SNTG1: variants seen among roughly 807,000 people sequenced by gnomAD.
SNTG1 encodes syntrophin gamma 1.
Under a neutral mutation model 74.7 loss-of-function variants are expected in SNTG1, and 39 were observed. The observed-to-expected ratio is 0.52, with a 90% CI of 0.40 to 0.68. The LOEUF (loss-of-function observed/expected upper bound fraction) is 0.68. Ranked by LOEUF, SNTG1 falls within the 30% of genes least tolerant of loss-of-function variation. The pLI is 0.00. For missense variants in SNTG1, 685 were observed against 609.5 expected (o/e 1.12, Z -1.30); for synonymous variants, 254 against 217.1 (o/e 1.17, Z -1.49).
chr8:50,103,035 C>T lies in SNTG1; in HGVS notation c.-102-69526C>T, dbSNP rs1336155496. On this transcript the variant is annotated intron_variant, in intron 1 of 18. Coordinates refer to ENST00000642720, the MANE Select transcript of SNTG1 (RefSeq NM_018967.5). ...TTCTTTTGGCTTAGGATTGACTTGG[C>T]GATGCGGGCTCTTTTTTGGTTCCAT... Among the ~76,000 whole-genome samples, 110 of 151,752 alleles carry T rather than the reference C, an allele frequency of 7.2e-4. 1 individual carries two copies. The South Asian group carries it at 0.018, about 25-fold the overall frequency.
intron 1 of SNTG1, among the ~76,000 whole-genome samples, chr8:50,090,064 A>G (rs2079662158): frequency 1.3e-5 from 2 of 152,248 alleles, no homozygotes; most frequent in African/African-American, 4.8e-5. Flanking sequence ...TTCAAGTAAC[A>G]CATAGAAATT....
chr8:50,258,863 GAAA>G (rs1358772278), intron 2 of SNTG1, among the ~76,000 whole-genome samples: 2 of 151,920 alleles, frequency 1.3e-5, no homozygotes, highest in Non-Finnish European at 2.9e-5. Context: ...AGAGGACAAA[GAAA>G]AAGGAGCAAA....
At chr8:50,154,192 G>T (rs540473997) in intron 1 of SNTG1, among the ~76,000 whole-genome samples, 2 of 152,238 alleles carry the variant, frequency 1.3e-5, no homozygotes, top group South Asian at 4.1e-4. Context: ...ACCTCATACA[G>T]CCCGGTACCC....
chr8:50,659,419 T>G (rs2095205062), intron 15 of SNTG1, among the ~76,000 whole-genome samples: 1 of 152,200 alleles, frequency 6.6e-6, no homozygotes, highest in Non-Finnish European at 1.5e-5. Flanking sequence ...CAAGGGGAGC[T>G]AATTTCCCTT....
intron 8 of SNTG1, among the ~76,000 whole-genome samples, chr8:50,477,508 G>A (rs2131797011): frequency 6.6e-6 from 1 of 152,212 alleles, no homozygotes; most frequent in South Asian, 2.1e-4. Flanking sequence ...AGAAAATCTG[G>A]AGAAATTGTC....
chr8:50,414,464 A>G (rs956940878), intron 4 of SNTG1, among the ~76,000 whole-genome samples: 3 of 152,002 alleles, frequency 2.0e-5, no homozygotes, highest in Non-Finnish European at 2.9e-5. Context: ...TATGCAGGTG[A>G]CGGTGCCTCT....
chr8:50,604,932 G>A (rs2094802112), intron 13 of SNTG1, among the ~76,000 whole-genome samples: 1 of 152,134 alleles, frequency 6.6e-6, no homozygotes, highest in African/African-American at 2.4e-5. Context: ...AGGTTATTCA[G>A]GGCCCAAAGG....
At position 50,035,414 on chromosome 8, in the gene SNTG1, C is replaced by A. The variant is rs536366760; in HGVS notation, c.-103+123183C>A. ...TCCCCTCATCTGGCTTGTGAACACT[C>A]CCTGTGTTTCAGGAAGTAAGGTTTG... On this transcript the variant is annotated intron_variant, in intron 1 of 18. Coordinates refer to ENST00000642720, the MANE Select transcript of SNTG1 (RefSeq NM_018967.5). Among the ~76,000 whole-genome samples the A allele has an allele frequency of 1.6e-4, 25 of 152,270 alleles. 1 individual carries two copies. In the East Asian group the frequency reaches 4.6e-3, roughly 28 times the overall value.
intron 1 of SNTG1, among the ~76,000 whole-genome samples, chr8:50,033,600 GC>G (rs1295378003): frequency 6.6e-6 from 1 of 152,070 alleles, no homozygotes; most frequent in African/African-American, 2.4e-5. Context: ...TTCCTCTGAA[GC>G]CTTTCTTCTT....
At chr8:50,134,734 TAGA>T (rs1246165259) in intron 1 of SNTG1, among the ~76,000 whole-genome samples, 2 of 151,902 alleles carry the variant, frequency 1.3e-5, no homozygotes, top group Non-Finnish European at 2.9e-5. Flanking sequence ...CGGTTATAGA[TAGA>T]AGAAGGGGCA....
Position 50,792,789 on chromosome 8 carries a change from C to T in SNTG1, c.1514C>T (p.Ala505Val), listed in dbSNP as rs370931379. 40 of 1,612,222 alleles carry T rather than the reference C, an allele frequency of 2.5e-5. 1 individual carries two copies. Among genetic ancestry groups the T allele is most frequent in the Admixed American group, 1.0e-4 (6 of 59,832 alleles). ...LGNQATASTA[A>V]SSATTSKAKY... is the part of the protein sequence containing the mutation. ...AATCAAGCTACTGCTTCTACTGCTG[C>T]CAGCTCTGCTACCACGAGCAAAGCA... The change falls in exon 19 of 19, where the codon GCC becomes GTC. Residue 505 changes from alanine to valine, a missense_variant. Coordinates refer to ENST00000642720, the MANE Select transcript of SNTG1 (RefSeq NM_018967.5).
At chr8:50,690,704 C>A (rs975796593) in intron 15 of SNTG1, among the ~76,000 whole-genome samples, 1 of 152,268 alleles carries the variant, frequency 6.6e-6, no homozygotes, top group Admixed American at 6.5e-5. Context: ...TGGTGTGGTG[C>A]TGAAAAGAAT....
intron 1 of SNTG1, among the ~76,000 whole-genome samples, chr8:50,054,189 G>A (rs1232366379): frequency 1.3e-5 from 2 of 152,040 alleles, no homozygotes. Context: ...GACTCCAACT[G>A]TGACAACACG....
At chr8:50,209,613 C>G (rs779044805) in intron 2 of SNTG1, among the ~76,000 whole-genome samples, 7 of 152,218 alleles carry the variant, frequency 4.6e-5, no homozygotes, top group Non-Finnish European at 7.3e-5. Flanking sequence ...CAAACAGAGT[C>G]TGGAGTGGAC....
chr8:50,551,354 C>G (rs1192872283), intron 11 of SNTG1, among the ~76,000 whole-genome samples: 1 of 152,082 alleles, frequency 6.6e-6, no homozygotes, highest in Non-Finnish European at 1.5e-5. Flanking sequence ...CAGAATTATT[C>G]TATGTAGGCA....
chr8:50,775,567 C>G (rs1343090669), intron 18 of SNTG1, among the ~76,000 whole-genome samples: 1 of 151,570 alleles, frequency 6.6e-6, no homozygotes, highest in African/African-American at 2.4e-5. Flanking sequence ...TCTACAGAAA[C>G]TTGCAAATAA....
At chr8:49,965,348 T>A (rs1811047442) in intron 1 of SNTG1, among the ~76,000 whole-genome samples, 1 of 152,230 alleles carries the variant, frequency 6.6e-6, no homozygotes, top group African/African-American at 2.4e-5. Flanking sequence ...AGTTTCTTTA[T>A]GAACTTCTGG....
chr8:50,660,188 GAAAGAAAGAAAAGA>G, intron 15 of SNTG1, among the ~76,000 whole-genome samples: 1 of 138,362 alleles, frequency 7.2e-6, no homozygotes, highest in East Asian at 2.1e-4. Flanking sequence ...GGGAAGAAAA[GAAAGAAAGAAAAGA>G]AAAGAAGGAA....
At chr8:50,205,485 T>C (rs972955378) in intron 2 of SNTG1, among the ~76,000 whole-genome samples, 2 of 152,206 alleles carry the variant, frequency 1.3e-5, no homozygotes, top group African/African-American at 4.8e-5. Flanking sequence ...CTTTGTCAGA[T>C]GGGTAGATTG....
Sources: allele counts gnomAD v4.1 joint callset (sites outside exome capture counted in the v4.1 genomes callset), GRCh38; gene constraint gnomAD v4.1.1; transcripts MANE v1.5; gene names NCBI Gene and HGNC (gene_info 2026-07-23, HGNC 2026-07-21).